The following EPHA6 variants were observed in gnomAD, a reference collection of about 807,000 sequenced individuals.
EPHA6 encodes EPH receptor A6.
EPHA6 carries 50 observed loss-of-function variants against 112.0 expected under a neutral mutation model. That is an observed-to-expected ratio of 0.45 (90% CI 0.36 to 0.56). The LOEUF is 0.56. Ranked by LOEUF, EPHA6 falls within the 20% of genes least tolerant of loss-of-function variation. The probability of loss-of-function intolerance (pLI) is 0.00; values close to 1 mark genes in which losing one functional copy is unlikely to be tolerated. For missense variants in EPHA6, 1,280 were observed against 1,417.4 expected (o/e 0.90, Z 1.56); for synonymous variants, 529 against 490.7 (o/e 1.08, Z -1.03).
At chr3:97,241,081 A>T (rs1441861210) in intron 4 of EPHA6, among the ~76,000 whole-genome samples, 2 of 151,708 alleles carry the variant, frequency 1.3e-5, no homozygotes, top group African/African-American at 4.8e-5. Flanking sequence ...CCTTGCTATA[A>T]GTATCTCGTA....
chr3:97,190,950 T>G (rs1559787160), intron 3 of EPHA6, among the ~76,000 whole-genome samples: 1 of 152,132 alleles, frequency 6.6e-6, no homozygotes, highest in Non-Finnish European at 1.5e-5. Flanking sequence ...ATTATTATAG[T>G]TACTATGATA....
intron 3 of EPHA6, among the ~76,000 whole-genome samples, chr3:97,159,644 G>T (rs1218454266): frequency 6.6e-6 from 1 of 152,028 alleles, no homozygotes; most frequent in Non-Finnish European, 1.5e-5. Flanking sequence ...ACTGTAACTG[G>T]GTCTTCAATA....
chr3:97,441,583 C>T (rs528342293), intron 6 of EPHA6: 1 of 246,164 alleles, frequency 4.1e-6, no homozygotes, highest in East Asian at 1.8e-4. Context: ...TATGCTAAAG[C>T]ATTGCAATAA....
chr3:97,535,127 C>T (rs959909949), intron 11 of EPHA6, among the ~76,000 whole-genome samples: 1 of 151,794 alleles, frequency 6.6e-6, no homozygotes, highest in African/African-American at 2.4e-5. Flanking sequence ...CCTACATCAA[C>T]TAAATATGTT....
At chr3:97,214,673 T>G (rs759013356) in intron 3 of EPHA6, among the ~76,000 whole-genome samples, 3 of 152,104 alleles carry the variant, frequency 2.0e-5, no homozygotes, top group Non-Finnish European at 2.9e-5. Context: ...AATAAAAATT[T>G]CAAAACATAT....
chr3:97,193,898 T>A (rs2077371898), intron 3 of EPHA6, among the ~76,000 whole-genome samples: 1 of 152,116 alleles, frequency 6.6e-6, no homozygotes, highest in Non-Finnish European at 1.5e-5. Context: ...TTTGAAATGA[T>A]CACGTTTTTT....
chr3:96,920,951 T>G (rs1017266171), intron 2 of EPHA6, among the ~76,000 whole-genome samples: 3 of 152,062 alleles, frequency 2.0e-5, no homozygotes, highest in Admixed American at 6.6e-5. Context: ...GTATGGATTA[T>G]CAGAGAACCC....
chr3:97,503,156 T>C (rs372142690), intron 10 of EPHA6, among the ~76,000 whole-genome samples: 4 of 152,164 alleles, frequency 2.6e-5, no homozygotes, highest in African/African-American at 9.6e-5. Flanking sequence ...TTTGGAAAAT[T>C]ATATATTACA....
intron 3 of EPHA6, among the ~76,000 whole-genome samples, chr3:97,056,855 A>G (rs1189443735): frequency 6.6e-6 from 1 of 152,194 alleles, no homozygotes; most frequent in Non-Finnish European, 1.5e-5. Flanking sequence ...TTATTGAGAT[A>G]GGAAATTTTT....
Position 97,466,469 on chromosome 3 carries a change from C to T in EPHA6, c.1895-8883C>T, listed in dbSNP as rs568892592. 7 of 1,446,572 alleles carry T rather than the reference C, an allele frequency of 4.8e-6. No individual in the cohort carries two copies. The South Asian group carries it at 6.8e-5, about 14-fold the overall frequency. The allele number at this position is 1,446,572 out of a possible 1,614,324, so 89.6% of individuals were successfully genotyped here. A position where few individuals can be genotyped will look rare whatever the true frequency, so the allele number is the denominator to read the frequency against. On this transcript the variant is annotated intron_variant, in intron 7 of 17. Transcript: ENST00000389672. ...TGTACTGGCTTAATGAAAAGTGGGA[C>T]TTTATTGCCTCAGGTAACTGAAAAG...
chr3:96,922,925 T>G (rs149604250), intron 2 of EPHA6, among the ~76,000 whole-genome samples: 88 of 152,286 alleles, frequency 5.8e-4, no homozygotes, highest in African/African-American at 2.1e-3. Context: ...GTTTGTGTGT[T>G]AGTTTGCTTC....
chr3:97,557,175 A>T (rs537274706), intron 11 of EPHA6, among the ~76,000 whole-genome samples: 1 of 152,108 alleles, frequency 6.6e-6, no homozygotes, highest in South Asian at 2.1e-4. Context: ...GATTTTTTTT[A>T]AATACTGAAA....
At chr3:97,387,238 G>A (rs1387969816) in intron 5 of EPHA6, among the ~76,000 whole-genome samples, 1 of 151,188 alleles carries the variant, frequency 6.6e-6, no homozygotes, top group Non-Finnish European at 1.5e-5. Context: ...CAGAAAATGA[G>A]TTTTTCCTTT....
In EPHA6 at chr3:96,843,489, TAGGTTAGTTAGGA is replaced by T. The variant is rs370846739; in HGVS notation, c.386-23333_386-23321del. ...TTCTTTAAGGAAGTGATATTTAGCT[TAGGTTAGTTAGGA>T]AGAGCATGTTTGTCAATTTTGTGAG... On this transcript the variant is annotated intron_variant, in intron 1 of 17. Coordinates refer to ENST00000389672, the MANE Select transcript of EPHA6 (RefSeq NM_001080448.3). Among the ~76,000 whole-genome samples the T allele has an allele frequency of 3.1e-3, 477 of 152,174 alleles. 4 individuals are homozygous for T. Among genetic ancestry groups the T allele is most frequent in the African/African-American group, 0.011 (437 of 41,560 alleles).
In EPHA6 at chr3:97,592,744, A is replaced by C. The variant is rs759809493; in HGVS notation, c.2512+7A>C. The C allele has an allele frequency of 3.8e-6, 6 of 1,576,562 alleles. No homozygotes were observed. The South Asian group carries it at 7.1e-5, about 19-fold the overall frequency. On this transcript the variant is annotated splice_region_variant and intron_variant, in intron 12 of 17. Transcript: ENST00000389672. ...CCCCCCAGGATTCCTGCTGGTAGGT[A>C]TTTCAGGTGAAGTTTTCTGCCACCA...
At chr3:97,278,919 C>T (rs182942561) in intron 5 of EPHA6, among the ~76,000 whole-genome samples, 5 of 152,324 alleles carry the variant, frequency 3.3e-5, no homozygotes, top group Admixed American at 1.3e-4. Flanking sequence ...GACAAAAACA[C>T]ATACGATTGA....
intron 11 of EPHA6, among the ~76,000 whole-genome samples, chr3:97,583,511 C>G (rs1245731887): frequency 6.6e-6 from 1 of 151,392 alleles, no homozygotes; most frequent in Non-Finnish European, 1.5e-5. Context: ...TGCACTCCAG[C>G]CTGGGTGACA....
chr3:96,957,922 A>G (rs890648083), intron 2 of EPHA6, among the ~76,000 whole-genome samples: 1 of 152,214 alleles, frequency 6.6e-6, no homozygotes, highest in African/African-American at 2.4e-5. Context: ...TTTGACCAAA[A>G]GACGTAGAGA....
At chr3:97,363,234 ATAT>A (rs2084501398) in intron 5 of EPHA6, among the ~76,000 whole-genome samples, 6 of 84,182 alleles carry the variant, frequency 7.1e-5, no homozygotes, top group Non-Finnish European at 1.0e-4. Context: ...ATATATATAT[ATAT>A]AAATCTCAGA....
Sources: allele counts gnomAD v4.1 joint callset (sites outside exome capture counted in the v4.1 genomes callset), GRCh38; gene constraint gnomAD v4.1.1; transcripts MANE v1.5; gene names NCBI Gene and HGNC (gene_info 2026-07-23, HGNC 2026-07-21).